The following DLGAP1 variants were observed in gnomAD, a reference collection of about 807,000 sequenced individuals.
DLGAP1 encodes the protein DLG associated protein 1, also known as disks large-associated protein 1.
Under a neutral mutation model 90.8 loss-of-function variants are expected in DLGAP1, and 11 were observed. That is an observed-to-expected ratio of 0.12 (90% CI 0.08 to 0.20). DLGAP1 has a LOEUF of 0.20. Ranked by LOEUF, DLGAP1 falls within the 10% of genes least tolerant of loss-of-function variation. DLGAP1 has a pLI of 1.00. For synonymous variants in DLGAP1, 558 were observed against 540.7 expected (o/e 1.03, Z -0.44); for missense variants, 1,050 against 1,333.8 (o/e 0.79, Z 3.31).
intron 1 of DLGAP1, among the ~76,000 whole-genome samples, chr18:4,246,559 T>G (rs2145164391): frequency 6.6e-6 from 1 of 152,320 alleles, no homozygotes; most frequent in Non-Finnish European, 1.5e-5. Flanking sequence ...GGGCCAGTGC[T>G]GGCCTGGGGA....
chr18:4,258,493 AG>A (rs2078941898), intron 1 of DLGAP1, among the ~76,000 whole-genome samples: 1 of 152,076 alleles, frequency 6.6e-6, no homozygotes, highest in African/African-American at 2.4e-5. Flanking sequence ...AGACTTATCA[AG>A]CATCACTTTT....
chr18:4,022,804 T>G (rs9952837), intron 2 of DLGAP1, among the ~76,000 whole-genome samples: 80,703 of 121,696 alleles, frequency 0.66, 27,276 homozygotes, highest in Middle Eastern at 0.77. Flanking sequence ...ATTCTCACCA[T>G]CAAGGTATCA....
chr18:4,418,912 A>G (rs2082966327), intron 1 of DLGAP1, among the ~76,000 whole-genome samples: 1 of 152,154 alleles, frequency 6.6e-6, no homozygotes, highest in South Asian at 2.1e-4. Context: ...AAAAGCAAAC[A>G]AAATCCACCC....
At chr18:4,387,759 C>T (rs149566435) in intron 1 of DLGAP1, among the ~76,000 whole-genome samples, 1,829 of 152,252 alleles carry the variant, frequency 0.012, 22 homozygotes, top group Non-Finnish European at 0.018. Flanking sequence ...GGCGAAACCC[C>T]GTCTCTACTA....
intron 3 of DLGAP1, among the ~76,000 whole-genome samples, chr18:3,954,383 G>A (rs1030642729): frequency 3.3e-5 from 5 of 152,216 alleles, no homozygotes; most frequent in Middle Eastern, 3.2e-3. Flanking sequence ...GTTAAGTGGT[G>A]TGAACAGATC....
At chr18:3,911,045 G>A (rs1359822001) in intron 3 of DLGAP1, among the ~76,000 whole-genome samples, 3 of 152,196 alleles carry the variant, frequency 2.0e-5, no homozygotes, top group African/African-American at 7.2e-5. Flanking sequence ...CCAGCTGCGA[G>A]TTGAGAAAGC....
intron 3 of DLGAP1, among the ~76,000 whole-genome samples, chr18:3,943,318 C>A (rs939274181): frequency 2.0e-4 from 30 of 152,194 alleles, no homozygotes; most frequent in Middle Eastern, 3.2e-3. Flanking sequence ...TCTGCCTTCA[C>A]AGATCGCCAG....
Position 3,892,412 on chromosome 18 carries a change from T to C in DLGAP1, c.-72-12272A>G, listed in dbSNP as rs1223695. Among the ~76,000 whole-genome samples, 1,436 of 152,248 alleles carry C rather than the reference T, an allele frequency of 9.4e-3. 27 individuals are homozygous for C. Among genetic ancestry groups the C allele is most frequent in the African/African-American group, 0.032 (1,349 of 41,538 alleles). ...TGGGCTCCTTGTATTCTTCCCCACA[T>C]GCCACATTCCCCATTGACTCTGTGT... is the stretch of plus-strand genomic sequence containing the variant. On this transcript the variant is annotated intron_variant, in intron 3 of 12. Coordinates refer to ENST00000315677, the MANE Select transcript of DLGAP1 (RefSeq NM_004746.4).
chr18:4,442,813 C>T (rs2083567728), intron 1 of DLGAP1, among the ~76,000 whole-genome samples: 1 of 152,140 alleles, frequency 6.6e-6, no homozygotes, highest in African/African-American at 2.4e-5. Flanking sequence ...AAAAGAAACG[C>T]ATTATGTTTA....
chr18:4,362,696 T>C (rs1467153726), intron 1 of DLGAP1, among the ~76,000 whole-genome samples: 6 of 152,148 alleles, frequency 3.9e-5, no homozygotes, highest in Admixed American at 1.3e-4. Context: ...CTCAACACCA[T>C]TGAACTGTAA....
Position 3,900,932 on chromosome 18 carries a change from G to T in DLGAP1, c.-72-20792C>A, listed in dbSNP as rs73940253. On this transcript the variant is annotated intron_variant, in intron 3 of 12. Transcript: ENST00000315677. ...CTCCCCCTCGACCTCGTTATTTTCC[G>T]TCCTCCAGGATGATCTTTCTAACTT... Among the ~76,000 whole-genome samples the T allele has an allele frequency of 9.9e-3, 1,511 of 152,090 alleles. 25 individuals carry two copies. The highest frequency in any genetic ancestry group is 0.034 in the African/African-American group (1,405 of 41,492).
intron 2 of DLGAP1, among the ~76,000 whole-genome samples, chr18:4,020,572 A>T (rs1441001454): frequency 6.6e-6 from 1 of 152,162 alleles, no homozygotes; most frequent in Non-Finnish European, 1.5e-5. Context: ...CAAAAATTAT[A>T]ACTGAGGAAA....
At chr18:3,867,244 C>T (rs1238724720) in intron 4 of DLGAP1, among the ~76,000 whole-genome samples, 7 of 152,284 alleles carry the variant, frequency 4.6e-5, no homozygotes, top group South Asian at 4.1e-4. Flanking sequence ...TTGAGTGCCA[C>T]TGCTTTTCCC....
intron 7 of DLGAP1, among the ~76,000 whole-genome samples, chr18:3,658,353 C>T (rs2146557518): frequency 6.6e-6 from 1 of 152,274 alleles, no homozygotes; most frequent in East Asian, 1.9e-4. Context: ...TAACGTCTGG[C>T]TCTTGCAAGC....
At chr18:4,137,211 A>C (rs371297007) in intron 2 of DLGAP1, among the ~76,000 whole-genome samples, 8 of 152,122 alleles carry the variant, frequency 5.3e-5, no homozygotes, top group Middle Eastern at 6.8e-3. Context: ...TCATCCATGT[A>C]CCTACAAAGG....
chr18:3,804,391 G>C (rs759769444), intron 5 of DLGAP1, among the ~76,000 whole-genome samples: 1 of 152,196 alleles, frequency 6.6e-6, no homozygotes, highest in Non-Finnish European at 1.5e-5. Flanking sequence ...CCCCCTCATA[G>C]AACTAGAAGG....
intron 2 of DLGAP1, among the ~76,000 whole-genome samples, chr18:4,020,794 A>G (rs2074595954): frequency 6.6e-6 from 1 of 152,220 alleles, no homozygotes; most frequent in Non-Finnish European, 1.5e-5. Context: ...AAGATTAGAA[A>G]TTACAGTTAG....
intron 4 of DLGAP1, among the ~76,000 whole-genome samples, chr18:3,817,841 G>A (rs1568184778): frequency 6.6e-6 from 1 of 152,166 alleles, no homozygotes; most frequent in Non-Finnish European, 1.5e-5. Context: ...AGAGAGAAAA[G>A]ATTTAGGAAA....
chr18:3,647,333 T>A lies in DLGAP1; in HGVS notation c.1592-65085A>T, dbSNP rs532590735. Among the ~76,000 whole-genome samples the A allele has an allele frequency of 1.6e-3, 246 of 152,022 alleles. 1 individual carries two copies. The highest frequency in any genetic ancestry group is 5.6e-3 in the African/African-American group (234 of 41,518). On this transcript the variant is annotated intron_variant, in intron 7 of 12. Transcript: ENST00000315677. The stretch of plus-strand genomic sequence containing the variant: ...CAAGCAAAAGTAGCAGCATATGAAT[T>A]TTTTATAATTTAATTTTTGAGCCCA...
Sources: allele counts gnomAD v4.1 joint callset (sites outside exome capture counted in the v4.1 genomes callset), GRCh38; gene constraint gnomAD v4.1.1; transcripts MANE v1.5; gene names NCBI Gene and HGNC (gene_info 2026-07-23, HGNC 2026-07-21).